FHOD3: variants seen among roughly 807,000 people sequenced by gnomAD.
The protein encoded by FHOD3 is FH1/FH2 domain-containing protein 3.
In FHOD3, 90 loss-of-function variants were observed where a neutral mutation model predicts 173.0. The ratio of observed to expected loss-of-function variants is 0.52; its 90% CI spans 0.44 to 0.62. The LOEUF (loss-of-function observed/expected upper bound fraction) is 0.62. Among genes scored for constraint, FHOD3 ranks in the 20% least tolerant of loss-of-function variants. FHOD3 has a pLI of 0.00. For missense variants in FHOD3, 1,945 were observed against 2,034.7 expected, an observed-to-expected ratio of 0.96 and a Z score of 0.85; for synonymous variants, 828 against 823.0, an observed-to-expected ratio of 1.01 and a Z score of -0.10.
intron 6 of FHOD3, among the ~76,000 whole-genome samples, chr18:36,586,654 A>G (rs911293138): frequency 6.6e-6 from 1 of 151,858 alleles, no homozygotes; most frequent in Non-Finnish European, 1.5e-5. Flanking sequence ...ATGCCCAGCT[A>G]ATTTTTGTGT....
At position 36,740,814 on chromosome 18, in the gene FHOD3, A is replaced by G; in HGVS notation, c.3735A>G (p.Lys1245=). 6.2e-7 allele frequency: 1 copy of G among 1,611,552 alleles called. No homozygotes were observed. Among genetic ancestry groups the G allele is most frequent in the Non-Finnish European group, 8.5e-7 (1 of 1,179,402 alleles). The stretch of plus-strand genomic sequence containing the variant: ...CACGACTTCACCTCTGGGCATTCAA[A>G]ATGGATTATGAAACTACAGAAAAGG... ...LSARLHLWAF[K]MDYETTEKEV... The change falls in exon 21 of 29, where the codon AAA becomes AAG. Residue 1245 remains lysine, a synonymous_variant. Transcript: ENST00000590592.
At chr18:36,320,605 A>G (rs969103789) in intron 1 of FHOD3, among the ~76,000 whole-genome samples, 10 of 152,226 alleles carry the variant, frequency 6.6e-5, no homozygotes, top group Admixed American at 1.3e-4. Context: ...GCAATAGAAA[A>G]AGAGGGAATC....
chr18:36,526,307 A>G (rs1454370241), intron 5 of FHOD3, among the ~76,000 whole-genome samples: 2 of 152,208 alleles, frequency 1.3e-5, no homozygotes, highest in East Asian at 3.8e-4. Flanking sequence ...TTTTGTTTGC[A>G]TCAGCATTAT....
intron 9 of FHOD3, among the ~76,000 whole-genome samples, chr18:36,622,442 C>T (rs1046037587): frequency 6.6e-6 from 1 of 152,194 alleles, no homozygotes; most frequent in African/African-American, 2.4e-5. Context: ...TTAAGTTGCC[C>T]CTAACTGCTT....
At chr18:36,506,832 TA>T (rs2055328690) in intron 4 of FHOD3, among the ~76,000 whole-genome samples, 1 of 152,216 alleles carries the variant, frequency 6.6e-6, no homozygotes, top group Non-Finnish European at 1.5e-5. Flanking sequence ...AAACGCTTGT[TA>T]ATGAGGCAGA....
intron 1 of FHOD3, among the ~76,000 whole-genome samples, chr18:36,343,170 T>C (rs1400608947): frequency 2.0e-5 from 3 of 152,142 alleles, no homozygotes; most frequent in African/African-American, 7.2e-5. Context: ...CCAAGAGAGG[T>C]GAAAGCATAT....
Position 36,605,228 on chromosome 18 carries a change from A to G in FHOD3, c.813+2460A>G, listed in dbSNP as rs183589813. On this transcript the variant is annotated intron_variant, in intron 8 of 28. Transcript: ENST00000590592. ...CTGCCATTGTTTTGGAAAACACCGA[A>G]TTCAGCAAAAATGGAATTTTCACAC... 2.4e-4 allele frequency among the ~76,000 whole-genome samples: 37 copies of G among 152,326 alleles called. No homozygotes were observed. In the East Asian group the frequency reaches 7.1e-3, roughly 29 times the overall value.
chr18:36,635,196 G>A (rs534905613), intron 10 of FHOD3, among the ~76,000 whole-genome samples: 16 of 152,216 alleles, frequency 1.1e-4, no homozygotes, highest in Non-Finnish European at 1.5e-5. Flanking sequence ...TGGGACATGA[G>A]GAAGAAGTTA....
chr18:36,432,489 A>G (rs778319328), intron 3 of FHOD3, among the ~76,000 whole-genome samples: 3 of 152,166 alleles, frequency 2.0e-5, no homozygotes, highest in Non-Finnish European at 4.4e-5. Context: ...CAGCCAACTT[A>G]ATCTCACATG....
At position 36,317,491 on chromosome 18, in the gene FHOD3, T is replaced by C. The variant is rs534363817; in HGVS notation, c.165+19491T>C. 5.7e-4 allele frequency among the ~76,000 whole-genome samples: 87 copies of C among 152,382 alleles called. No individual in the cohort carries two copies. In the Middle Eastern group the frequency reaches 0.017, roughly 30 times the overall value. ...TAATGACCAGTGATGATGAGCATTT[T>C]TTCATATGTCTGTTGGCTGCATAAA... On this transcript the variant is annotated intron_variant, in intron 1 of 28. Coordinates refer to ENST00000590592, the MANE Select transcript of FHOD3 (RefSeq NM_001281740.3).
intron 3 of FHOD3, among the ~76,000 whole-genome samples, chr18:36,425,952 G>C (rs943311970): frequency 6.6e-6 from 1 of 150,960 alleles, no homozygotes; most frequent in Non-Finnish European, 1.5e-5. Flanking sequence ...CCAGGCTGGA[G>C]TGCAGTGGCG....
At chr18:36,575,399 T>A (rs2058612028) in intron 5 of FHOD3, among the ~76,000 whole-genome samples, 1 of 152,276 alleles carries the variant, frequency 6.6e-6, no homozygotes, top group South Asian at 2.1e-4. Flanking sequence ...ACGTATTTCA[T>A]GTAGAATGTT....
intron 3 of FHOD3, among the ~76,000 whole-genome samples, chr18:36,491,613 T>C (rs1364111691): frequency 6.6e-6 from 1 of 151,846 alleles, no homozygotes; most frequent in East Asian, 1.9e-4. Context: ...CTGATCTTTT[T>C]ACAGTCTCCA....
chr18:36,545,474 A>C lies in FHOD3; in HGVS notation c.512-30977A>C, dbSNP rs376647970. Among the ~76,000 whole-genome samples, 4 of 152,354 alleles carry C rather than the reference A, an allele frequency of 2.6e-5. No homozygotes were observed. In the East Asian group the frequency reaches 7.7e-4, roughly 29 times the overall value. ...CCAGCTGGAGGTAAATCTGCATCCA[A>C]AATGTAAAAAGCAATGGATTAAGGC... On this transcript the variant is annotated intron_variant, in intron 5 of 28. Coordinates refer to ENST00000590592, the MANE Select transcript of FHOD3 (RefSeq NM_001281740.3).
At chr18:36,725,561 G>A (rs200869848) in intron 19 of FHOD3, among the ~76,000 whole-genome samples, 31 of 152,242 alleles carry the variant, frequency 2.0e-4, no homozygotes, top group East Asian at 1.9e-3. Flanking sequence ...TGAGACTCCA[G>A]GCAGCAGGGT....
At chr18:36,742,037 A>T (rs2041926414) in intron 21 of FHOD3, among the ~76,000 whole-genome samples, 1 of 152,126 alleles carries the variant, frequency 6.6e-6, no homozygotes, top group Admixed American at 6.5e-5. Context: ...GAGAAAACAG[A>T]TCACTGGGTC....
At chr18:36,457,810 C>T (rs17673792) in intron 3 of FHOD3, among the ~76,000 whole-genome samples, 17,177 of 152,206 alleles carry the variant, frequency 0.11, 1,332 homozygotes, top group East Asian at 0.29. Context: ...TGGAAATAGT[C>T]TAAGGCAGAA....
At chr18:36,703,259 G>C (rs1490656579) in intron 17 of FHOD3, among the ~76,000 whole-genome samples, 1 of 152,162 alleles carries the variant, frequency 6.6e-6, no homozygotes. Flanking sequence ...AAGGAAGCAG[G>C]GGTGTTAATA....
At chr18:36,360,720 C>G (rs985722844) in intron 2 of FHOD3, among the ~76,000 whole-genome samples, 3 of 152,162 alleles carry the variant, frequency 2.0e-5, no homozygotes, top group Non-Finnish European at 1.5e-5. Flanking sequence ...GGTTTCTGTA[C>G]AGTTTGTGGG....
Sources: allele counts gnomAD v4.1 joint callset (sites outside exome capture counted in the v4.1 genomes callset), GRCh38; gene constraint gnomAD v4.1.1; transcripts MANE v1.5; gene names NCBI Gene and HGNC (gene_info 2026-07-23, HGNC 2026-07-21).